The following DCC variants were observed in gnomAD, a reference collection of about 807,000 sequenced individuals.
DCC encodes the protein DCC netrin 1 receptor.
In DCC, 58 loss-of-function variants were observed where a neutral mutation model predicts 172.5. The observed-to-expected ratio is 0.34, with a 90% CI of 0.27 to 0.42. The LOEUF (loss-of-function observed/expected upper bound fraction) is 0.42. Among genes scored for constraint, DCC ranks in the 10% least tolerant of loss-of-function variants. The probability of loss-of-function intolerance (pLI) is 1.00; values close to 1 mark genes in which losing one functional copy is unlikely to be tolerated. For synonymous variants in DCC, 709 were observed against 644.5 expected (o/e 1.10, Z -1.52); for missense variants, 1,740 against 1,791.0 (o/e 0.97, Z 0.51).
At chr18:52,415,261 CAATTAT>C (rs1986980482) in intron 1 of DCC, among the ~76,000 whole-genome samples, 2 of 152,064 alleles carry the variant, frequency 1.3e-5, no homozygotes, top group African/African-American at 4.8e-5. Flanking sequence ...TTGCTGTTAC[CAATTAT>C]AATACATGAT....
intron 12 of DCC, among the ~76,000 whole-genome samples, chr18:53,219,428 G>A (rs1440049072): frequency 6.6e-6 from 1 of 152,082 alleles, no homozygotes; most frequent in African/African-American, 2.4e-5. Flanking sequence ...ACTACAGAGT[G>A]ATTGCAAGGA....
At chr18:52,529,322 GCT>G (rs1329312562) in intron 1 of DCC, among the ~76,000 whole-genome samples, 1 of 152,066 alleles carries the variant, frequency 6.6e-6, no homozygotes, top group Non-Finnish European at 1.5e-5. Context: ...ACGGAGTCTC[GCT>G]CTGTCACCCA....
At position 52,995,270 on chromosome 18, in the gene DCC, G is replaced by A. The variant is rs535256261; in HGVS notation, c.986-68035G>A. ...AAAATTCCTTAGTGTTTTGTGGCACGTGTCAGGCTTCTTCTTATCCAAAGG... is the reference window on the plus strand; with the variant it reads ...AAAATTCCTTAGTGTTTTGTGGCACATGTCAGGCTTCTTCTTATCCAAAGG... On this transcript the variant is annotated intron_variant, in intron 5 of 28. Coordinates refer to ENST00000442544, the MANE Select transcript of DCC (RefSeq NM_005215.4). Among the ~76,000 whole-genome samples, 10 of 152,140 alleles carry A rather than the reference G, an allele frequency of 6.6e-5. 1 individual carries two copies. Among genetic ancestry groups the A allele is most frequent in the Admixed American group, 2.0e-4 (3 of 15,266 alleles).
At chr18:52,985,199 G>T (rs1350041809) in intron 5 of DCC, among the ~76,000 whole-genome samples, 1 of 151,830 alleles carries the variant, frequency 6.6e-6, no homozygotes, top group East Asian at 1.9e-4. Context: ...CTCTCTGTCT[G>T]CTTCCTCCAT....
At chr18:53,203,406 G>C (rs1311628007) in intron 9 of DCC, among the ~76,000 whole-genome samples, 1 of 151,040 alleles carries the variant, frequency 6.6e-6, no homozygotes, top group East Asian at 1.9e-4. Context: ...ATGGCAAGAA[G>C]GAAAAAAAAC....
chr18:53,069,211 A>G (rs975190596), intron 7 of DCC, among the ~76,000 whole-genome samples: 2 of 152,192 alleles, frequency 1.3e-5, no homozygotes, highest in African/African-American at 4.8e-5. Flanking sequence ...CCTTCCCAGA[A>G]GAGGGGTTAA....
Position 53,427,988 on chromosome 18 carries a change from T to C in DCC, c.3164-7156T>C, listed in dbSNP as rs1352179755. Among the ~76,000 whole-genome samples, 3 of 62,096 alleles carry C rather than the reference T, an allele frequency of 4.8e-5. 1 individual carries two copies. 40.7% of individuals were successfully genotyped at this position (62,096 alleles called of 152,430 possible). A position where few individuals can be genotyped will look rare whatever the true frequency, so the allele number is the denominator to read the frequency against. On this transcript the variant is annotated intron_variant, in intron 21 of 28. Transcript: ENST00000442544. ...ATATAATATATAATATAATATAATA[T>C]ATTATAATAATATATAATATAATAC...
At chr18:53,058,707 T>G (rs1470109487) in intron 5 of DCC, among the ~76,000 whole-genome samples, 6 of 152,178 alleles carry the variant, frequency 3.9e-5, no homozygotes, top group African/African-American at 1.4e-4. Context: ...AGTTACATAT[T>G]GATTTCATGT....
At chr18:52,513,757 T>A (rs929143184) in intron 1 of DCC, among the ~76,000 whole-genome samples, 7 of 152,140 alleles carry the variant, frequency 4.6e-5, no homozygotes, top group East Asian at 3.8e-4. Flanking sequence ...CCAAAGCTAT[T>A]TATGGGCCTG....
chr18:53,420,601 C>T lies in DCC; in HGVS notation c.3163+4445C>T, dbSNP rs905454341. Among the ~76,000 whole-genome samples the T allele has an allele frequency of 3.3e-5, 5 of 152,120 alleles. No homozygotes were observed. In the East Asian group the frequency reaches 5.8e-4, roughly 18 times the overall value. On this transcript the variant is annotated intron_variant, in intron 21 of 28. Transcript: ENST00000442544. ...CTTCCTGGCTTGCAGGTGGCCTTCTCGCTGTGTCTTCCCGTGGTGGAGAGT... is the reference window on the plus strand; with the variant it reads ...CTTCCTGGCTTGCAGGTGGCCTTCTTGCTGTGTCTTCCCGTGGTGGAGAGT...
At chr18:52,661,874 T>C (rs1361840665) in intron 1 of DCC, among the ~76,000 whole-genome samples, 2 of 152,164 alleles carry the variant, frequency 1.3e-5, no homozygotes, top group South Asian at 2.1e-4. Flanking sequence ...AGCAATCATA[T>C]AGTAAGAACA....
intron 1 of DCC, among the ~76,000 whole-genome samples, chr18:52,417,248 AGTCT>A (rs1474251210): frequency 6.6e-6 from 1 of 152,164 alleles, no homozygotes; most frequent in Non-Finnish European, 1.5e-5. Context: ...ATCCGCTGTT[AGTCT>A]GATGGGCTTC....
rs185051016 is a variant in DCC at position 53,511,323 on chromosome 18, C to G, written c.4111+11813C>G. ...AGACCTCTTCCTCCCTCCCTGACTA[C>G]AAGAATATTCGACCTGCTAGCTGTA... On this transcript the variant is annotated intron_variant, in intron 27 of 28. Coordinates refer to ENST00000442544, the MANE Select transcript of DCC (RefSeq NM_005215.4). Among the ~76,000 whole-genome samples the G allele has an allele frequency of 5.3e-4, 80 of 152,320 alleles. No homozygotes were observed. The East Asian group carries it at 0.013, about 24-fold the overall frequency.
chr18:53,404,752 A>G (rs1346258272), intron 19 of DCC, among the ~76,000 whole-genome samples: 1 of 140,050 alleles, frequency 7.1e-6, no homozygotes, highest in Admixed American at 7.2e-5. Context: ...AATAAAATAA[A>G]AAATTAAAAA....
At chr18:52,820,853 G>A (rs962824525) in intron 2 of DCC, among the ~76,000 whole-genome samples, 24 of 152,092 alleles carry the variant, frequency 1.6e-4, no homozygotes, top group African/African-American at 4.1e-4. Context: ...ACTGGAAAAC[G>A]AAGAGCCTGG....
chr18:52,595,760 A>C (rs113726279), intron 1 of DCC, among the ~76,000 whole-genome samples: 3,275 of 152,276 alleles, frequency 0.022, 107 homozygotes, highest in African/African-American at 0.073. Flanking sequence ...GTCAATCCAC[A>C]CATTTGTGAA....
intron 5 of DCC, among the ~76,000 whole-genome samples, chr18:52,976,937 T>A (rs1598990689): frequency 1.3e-5 from 2 of 152,194 alleles, no homozygotes; most frequent in East Asian, 3.9e-4. Context: ...TCCTCTTAAG[T>A]TTGTAAACCT....
In DCC at chr18:52,658,636, C is replaced by A. The variant is rs76673799; in HGVS notation, c.92-93418C>A. 5.0e-3 allele frequency among the ~76,000 whole-genome samples: 756 copies of A among 152,234 alleles called. 5 individuals carry two copies. The highest frequency in any genetic ancestry group is 0.017 in the African/African-American group (706 of 41,552). ...ATGAGATTAAAAGGTCATCCCTCAT[C>A]ACTTTATTCTATACATCTCCAAGTA... On this transcript the variant is annotated intron_variant, in intron 1 of 28. Coordinates refer to ENST00000442544, the MANE Select transcript of DCC (RefSeq NM_005215.4).
At chr18:53,407,528 G>GATAGATATATATATATATATATAT (rs1909733032) in intron 19 of DCC, among the ~76,000 whole-genome samples, 2 of 117,438 alleles carry the variant, frequency 1.7e-5, no homozygotes, top group South Asian at 3.3e-4. Context: ...TTTTATTCTG[G>GATAGATATATATATATATATATAT]ATATATATAT....
Sources: gnomAD v4.1 joint callset for allele counts (sites outside exome capture counted in the v4.1 genomes callset) on GRCh38, gnomAD v4.1.1 for gene constraint, MANE v1.5 for transcripts, NCBI Gene and HGNC (gene_info 2026-07-23, HGNC 2026-07-21) for gene names.